MYO6: variants seen among roughly 807,000 people sequenced by gnomAD.
MYO6 encodes the protein unconventional myosin-VI.
Under a neutral mutation model 178.7 loss-of-function variants are expected in MYO6, and 74 were observed. The ratio of observed to expected loss-of-function variants is 0.41; its 90% CI spans 0.34 to 0.50. The LOEUF (loss-of-function observed/expected upper bound fraction) is 0.50, where lower values mean the gene tolerates loss of function less well. Ranked by LOEUF, MYO6 falls within the 20% of genes least tolerant of loss-of-function variation. The probability of loss-of-function intolerance (pLI) is 0.09; values close to 1 mark genes in which losing one functional copy is unlikely to be tolerated. For synonymous variants in MYO6, 477 were observed against 504.6 expected (o/e 0.95, Z 0.73); for missense variants, 1,330 against 1,547.4 (o/e 0.86, Z 2.36).
intron 1 of MYO6, among the ~76,000 whole-genome samples, chr6:75,799,635 A>G (rs1769237198): frequency 6.6e-6 from 1 of 152,096 alleles, no homozygotes; most frequent in Admixed American, 6.6e-5. Flanking sequence ...GAATTTACTT[A>G]CTACAAGGTA....
chr6:75,820,772 C>T (rs560379305), intron 2 of MYO6, among the ~76,000 whole-genome samples: 150 of 152,212 alleles, frequency 9.9e-4, no homozygotes, highest in African/African-American at 3.4e-3. Context: ...CCAATCTCTC[C>T]CTCCCCCCCA....
At chr6:75,828,794 G>C (rs1772758360) in intron 4 of MYO6, among the ~76,000 whole-genome samples, 181 bp downstream of exon 4, 1 of 152,134 alleles carries the variant, frequency 6.6e-6, no homozygotes, top group African/African-American at 2.4e-5. Context: ...AACTCTAGGA[G>C]TTAAAGCATG....
At chr6:75,901,739 T>C (rs1344665669) in intron 30 of MYO6, among the ~76,000 whole-genome samples, 7 of 152,200 alleles carry the variant, frequency 4.6e-5, no homozygotes, top group Non-Finnish European at 1.0e-4. Flanking sequence ...CTAATTGCCC[T>C]GGCCAGAACT....
At chr6:75,877,082 A>G (rs1405606413) in intron 20 of MYO6, among the ~76,000 whole-genome samples, 1 of 151,964 alleles carries the variant, frequency 6.6e-6, no homozygotes, top group East Asian at 1.9e-4. Flanking sequence ...GGTTCAAGCA[A>G]TTCTCCTGCC....
At chr6:75,772,961 A>G (rs1766031760) in intron 1 of MYO6, among the ~76,000 whole-genome samples, 1 of 152,184 alleles carries the variant, frequency 6.6e-6, no homozygotes, top group African/African-American at 2.4e-5. Context: ...GGAAATGTTT[A>G]AATTGATTCT....
At chr6:75,913,430 A>G (rs1261214550) in intron 33 of MYO6, among the ~76,000 whole-genome samples, 1 of 152,146 alleles carries the variant, frequency 6.6e-6, no homozygotes, top group East Asian at 1.9e-4. Flanking sequence ...GAGTAAGTAA[A>G]TATCTTTAAG....
Position 75,857,132 on chromosome 6 carries a change from G to A in MYO6, c.1259G>A (p.Arg420His). 4 of 1,613,980 alleles carry A rather than the reference G, an allele frequency of 2.5e-6. No individual in the cohort carries two copies. Among genetic ancestry groups the A allele is most frequent in the Non-Finnish European group, 3.4e-6 (4 of 1,179,932 alleles). ...PLKVEQANNA[R>H]DALAKTVYSH... ...AAAGTGGAGCAAGCAAACAATGCTC[G>A]TGATGCCCTGGCAAAGACAGTGTAT... is the stretch of plus-strand genomic sequence containing the variant. Residue 420 changes from arginine to histidine, a missense_variant, in exon 13 of 35, where the codon CGT becomes CAT. By Grantham distance (29) the Arg-to-His change is conservative. This residue lies in a region of MYO6 where 613 missense variants were observed against 816.8 expected (regional missense o/e 0.75). Transcript: ENST00000369977.
chr6:75,777,797 C>T (rs1766540613), intron 1 of MYO6, among the ~76,000 whole-genome samples: 1 of 151,982 alleles, frequency 6.6e-6, no homozygotes, highest in African/African-American at 2.4e-5. Context: ...TTTAGTTTAG[C>T]TTATAATACA....
At chr6:75,874,541 T>G (rs1482645794) in intron 20 of MYO6, among the ~76,000 whole-genome samples, 1 of 152,228 alleles carries the variant, frequency 6.6e-6, no homozygotes, top group African/African-American at 2.4e-5. Flanking sequence ...TGCCTACCAC[T>G]TAACCTTCCC....
chr6:75,786,835 A>G (rs1767617201), intron 1 of MYO6, among the ~76,000 whole-genome samples: 1 of 152,162 alleles, frequency 6.6e-6, no homozygotes. Context: ...CTTTACCCCT[A>G]AACACTTCAG....
intron 1 of MYO6, among the ~76,000 whole-genome samples, chr6:75,786,309 C>T (rs1767563067): frequency 6.6e-6 from 1 of 152,120 alleles, no homozygotes; most frequent in South Asian, 2.1e-4. Flanking sequence ...TTTATTGTGG[C>T]TTTATAGTAA....
chr6:75,913,135 T>C lies in MYO6; in HGVS notation c.3440-928T>C, dbSNP rs572158407. On this transcript the variant is annotated intron_variant, in intron 33 of 34. Coordinates refer to ENST00000369977, the MANE Select transcript of MYO6 (RefSeq NM_004999.4). Reference sequence around the variant, plus strand: ...TAACTGAGCTGCTGTAAATGGTTGTTCCACTTTTGAAGTTCTGTGAGTATA... The same window carrying C: ...TAACTGAGCTGCTGTAAATGGTTGTCCCACTTTTGAAGTTCTGTGAGTATA... Among the ~76,000 whole-genome samples, 3 of 152,288 alleles carry C rather than the reference T, an allele frequency of 2.0e-5. No homozygotes were observed. In the South Asian group the frequency reaches 6.2e-4, roughly 32 times the overall value.
chr6:75,787,682 C>A (rs1200271958), intron 1 of MYO6, among the ~76,000 whole-genome samples: 57 of 13,218 alleles, frequency 4.3e-3, no homozygotes, highest in East Asian at 0.043. Context: ...ACTATTCTCT[C>A]TCTCTCTCTC....
intron 1 of MYO6, among the ~76,000 whole-genome samples, chr6:75,770,714 T>A (rs2150020060): frequency 6.6e-6 from 1 of 152,308 alleles, no homozygotes; most frequent in African/African-American, 2.4e-5. Flanking sequence ...CGACCTCAGG[T>A]GATCCACCAG....
intron 29 of MYO6, among the ~76,000 whole-genome samples, chr6:75,898,091 A>G (rs1422414349): frequency 1.3e-5 from 2 of 152,186 alleles, no homozygotes; most frequent in Non-Finnish European, 2.9e-5. Context: ...CTATATGGAA[A>G]AGAATACCAT....
chr6:75,763,990 A>T (rs1778175124), intron 1 of MYO6, among the ~76,000 whole-genome samples: 1 of 152,186 alleles, frequency 6.6e-6, no homozygotes, highest in South Asian at 2.1e-4. Context: ...TCTGTAACTA[A>T]TTAATAGATC....
intron 11 of MYO6, among the ~76,000 whole-genome samples, chr6:75,853,005 T>C (rs1348406995): frequency 6.6e-6 from 1 of 152,186 alleles, no homozygotes; most frequent in African/African-American, 2.4e-5. Context: ...TCCTCACCAG[T>C]ACTATGTGTA....
At chr6:75,751,137 G>C (rs1776857753) in intron 1 of MYO6, among the ~76,000 whole-genome samples, 1 of 152,194 alleles carries the variant, frequency 6.6e-6, no homozygotes, top group Non-Finnish European at 1.5e-5. Flanking sequence ...TATAGCCAGA[G>C]CTTGAAACCA....
chr6:75,810,418 T>G (rs1187229610), intron 1 of MYO6, among the ~76,000 whole-genome samples: 1 of 152,188 alleles, frequency 6.6e-6, no homozygotes, highest in East Asian at 1.9e-4. Flanking sequence ...CAGGTTGAAA[T>G]GTGTCTTATT....
Sources: allele counts gnomAD v4.1 joint callset (sites outside exome capture counted in the v4.1 genomes callset), GRCh38; gene constraint gnomAD v4.1.1; regional missense constraint gnomAD v4.1.1; transcripts MANE v1.5; gene names NCBI Gene and HGNC (gene_info 2026-07-23, HGNC 2026-07-21).